Variants in CLVS1 observed in about 807,000 individuals in gnomAD.
CLVS1 encodes clavesin 1.
Under a neutral mutation model 33.1 loss-of-function variants are expected in CLVS1, and 10 were observed. The observed-to-expected ratio is 0.30, with a 90% CI of 0.19 to 0.51. The LOEUF (loss-of-function observed/expected upper bound fraction) is 0.51, where lower values mean the gene tolerates loss of function less well. CLVS1 is among the 20% of genes least tolerant of loss of function. The pLI is 0.97. For missense variants in CLVS1, 343 were observed against 433.4 expected, an observed-to-expected ratio of 0.79 and a Z score of 1.85; for synonymous variants, 163 against 166.1, an observed-to-expected ratio of 0.98 and a Z score of 0.14.
intron 1 of CLVS1, among the ~76,000 whole-genome samples, chr8:61,094,702 A>C (rs1358283477): frequency 6.6e-6 from 1 of 152,214 alleles, no homozygotes; most frequent in Admixed American, 6.5e-5. Flanking sequence ...GGACACAGAC[A>C]CACAAACCAA....
chr8:61,018,745 T>C, the CLVS1 span, among the ~76,000 whole-genome samples: 46 of 152,354 alleles, frequency 3.0e-4, no homozygotes, highest in East Asian at 7.5e-3. Flanking sequence ...AGTGGCTTGG[T>C]TGACTTTGAC....
chr8:61,126,905 A>G (rs1447271698), intron 1 of CLVS1, among the ~76,000 whole-genome samples: 1 of 152,230 alleles, frequency 6.6e-6, no homozygotes, highest in African/African-American at 2.4e-5. Context: ...GTAGCACAGA[A>G]GACTCTAACC....
At chr8:61,034,144 A>G in the CLVS1 span, among the ~76,000 whole-genome samples, 1 of 152,190 alleles carries the variant, frequency 6.6e-6, no homozygotes, top group African/African-American at 2.4e-5. Context: ...GTCCTTTTCT[A>G]CAGCTTGAGA....
intron 1 of CLVS1, among the ~76,000 whole-genome samples, chr8:61,095,935 A>C (rs1332581291): frequency 4.6e-5 from 7 of 152,252 alleles, no homozygotes; most frequent in Non-Finnish European, 1.0e-4. Flanking sequence ...GAATCAAAAA[A>C]GAATAGTAAA....
intron 2 of CLVS1, among the ~76,000 whole-genome samples, chr8:61,312,186 A>G (rs538322888): frequency 6.6e-6 from 1 of 151,140 alleles, no homozygotes; most frequent in East Asian, 1.9e-4. Context: ...CCAAACTCCA[A>G]CCCCCAATTC....
intron 5 of CLVS1, among the ~76,000 whole-genome samples, chr8:61,474,960 CA>C (rs1179136883): frequency 6.6e-6 from 1 of 152,192 alleles, no homozygotes; most frequent in African/African-American, 2.4e-5. Flanking sequence ...CCTCACCCCA[CA>C]ACAGGCCCCA....
chr8:61,303,911 A>G (rs1201510430), intron 2 of CLVS1, among the ~76,000 whole-genome samples: 1 of 152,228 alleles, frequency 6.6e-6, no homozygotes, highest in South Asian at 2.1e-4. Context: ...GTAAAAAGTA[A>G]TAGAGGACAG....
the CLVS1 span, among the ~76,000 whole-genome samples, chr8:61,024,031 CT>C: frequency 6.6e-6 from 1 of 152,222 alleles, no homozygotes; most frequent in Non-Finnish European, 1.5e-5. Flanking sequence ...GAAGCCATTC[CT>C]GCATGACTCA....
intron 2 of CLVS1, among the ~76,000 whole-genome samples, chr8:61,337,111 T>C (rs999694384): frequency 2.6e-5 from 4 of 152,210 alleles, no homozygotes; most frequent in African/African-American, 7.2e-5. Context: ...GATTTCCACG[T>C]TGACTACAAG....
the CLVS1 span, among the ~76,000 whole-genome samples, chr8:60,980,441 G>A: frequency 1.3e-5 from 2 of 152,162 alleles, no homozygotes; most frequent in Non-Finnish European, 2.9e-5. Flanking sequence ...GTTCAATGCT[G>A]GCCCCAAAGA....
At chr8:61,193,703 A>G (rs1174296107) in intron 2 of CLVS1, among the ~76,000 whole-genome samples, 5 of 151,922 alleles carry the variant, frequency 3.3e-5, no homozygotes, top group Admixed American at 6.6e-5. Flanking sequence ...TTTCAGACAA[A>G]AAGAGATTTT....
At chr8:61,445,623 G>A (rs1816732875) in intron 3 of CLVS1, among the ~76,000 whole-genome samples, 1 of 152,078 alleles carries the variant, frequency 6.6e-6, no homozygotes. Flanking sequence ...TTTATAATTT[G>A]TTTGATCTCA....
chr8:61,078,552 A>G (rs1239212967), intron 1 of CLVS1, among the ~76,000 whole-genome samples: 1 of 152,200 alleles, frequency 6.6e-6, no homozygotes, highest in Non-Finnish European at 1.5e-5. Context: ...TAAAGCTAAG[A>G]TTCAATGTGA....
At chr8:61,236,964 A>C (rs745947489) in intron 2 of CLVS1, among the ~76,000 whole-genome samples, 2 of 152,170 alleles carry the variant, frequency 1.3e-5, no homozygotes, top group Non-Finnish European at 2.9e-5. Context: ...TTAAGGAACA[A>C]AGTTGTGTTA....
the CLVS1 span, among the ~76,000 whole-genome samples, chr8:61,008,441 AG>A: frequency 1.3e-5 from 2 of 151,546 alleles, no homozygotes; most frequent in South Asian, 4.2e-4. Flanking sequence ...TTATTTCCTG[AG>A]ACAGTAAGAA....
chr8:61,462,905 A>C (rs967267999), intron 5 of CLVS1, among the ~76,000 whole-genome samples: 3 of 152,180 alleles, frequency 2.0e-5, no homozygotes, highest in Non-Finnish European at 2.9e-5. Flanking sequence ...CTGTCCTTTG[A>C]GGCTTTGAAT....
intron 2 of CLVS1, among the ~76,000 whole-genome samples, chr8:61,235,497 T>G (rs1448943745): frequency 6.6e-6 from 1 of 152,240 alleles, no homozygotes; most frequent in African/African-American, 2.4e-5. Flanking sequence ...AATAGTTTTT[T>G]GTTTTATTCA....
chr8:61,333,239 T>C (rs989029668), intron 2 of CLVS1, among the ~76,000 whole-genome samples: 4 of 152,134 alleles, frequency 2.6e-5, no homozygotes, highest in Admixed American at 6.6e-5. Flanking sequence ...TTTAATAAAG[T>C]TTTTACATAC....
chr8:61,307,252 A>C (rs1271968394), intron 2 of CLVS1, among the ~76,000 whole-genome samples: 2 of 152,214 alleles, frequency 1.3e-5, no homozygotes, highest in African/African-American at 4.8e-5. Flanking sequence ...CATAATTAAA[A>C]GCTCAGAAAT....
Sources: allele counts gnomAD v4.1 joint callset (sites outside exome capture counted in the v4.1 genomes callset), GRCh38; gene constraint gnomAD v4.1.1; transcripts MANE v1.5; gene names NCBI Gene and HGNC (gene_info 2026-07-23, HGNC 2026-07-21).